The following KCNJ16 variants were observed in gnomAD, a reference collection of about 807,000 sequenced individuals.
KCNJ16 encodes the protein inward rectifier potassium channel 16.
A neutral mutation model predicts 18.5 loss-of-function variants in KCNJ16; 15 were observed. That is an observed-to-expected ratio of 0.81 (90% CI 0.54 to 1.25). The LOEUF (loss-of-function observed/expected upper bound fraction) is 1.25, where lower values mean the gene tolerates loss of function less well. Ranked by LOEUF, KCNJ16 falls within the 50% of genes most tolerant of loss-of-function variation. The pLI, the probability that KCNJ16 is intolerant of heterozygous loss-of-function variation, is 0.00. For missense variants in KCNJ16, 523 were observed against 525.7 expected (o/e 0.99, Z 0.05); for synonymous variants, 174 against 186.5 (o/e 0.93, Z 0.55).
chr17:70,116,705 C>T (rs766251370), intron 2 of KCNJ16, among the ~76,000 whole-genome samples: 5 of 152,052 alleles, frequency 3.3e-5, no homozygotes, highest in Non-Finnish European at 7.4e-5. Flanking sequence ...TGAAAAAATG[C>T]TCACTATCAC....
chr17:70,096,385 A>T (rs2143781522), intron 1 of KCNJ16, among the ~76,000 whole-genome samples: 1 of 152,334 alleles, frequency 6.6e-6, no homozygotes, highest in South Asian at 2.1e-4. Context: ...CTCTCATATA[A>T]GATTGTTTCC....
intron 1 of KCNJ16, among the ~76,000 whole-genome samples, chr17:70,082,529 A>ATTAGTGTT (rs1384039186): frequency 6.6e-6 from 1 of 152,188 alleles, no homozygotes; most frequent in Non-Finnish European, 1.5e-5. Flanking sequence ...GGAGAAGCTA[A>ATTAGTGTT]TTAGTGTTTT....
intron 2 of KCNJ16, among the ~76,000 whole-genome samples, chr17:70,121,090 C>T (rs1452472415): frequency 6.6e-6 from 1 of 152,064 alleles, no homozygotes; most frequent in Non-Finnish European, 1.5e-5. Flanking sequence ...CATGAACTTC[C>T]ACTTACCCCT....
intron 2 of KCNJ16, among the ~76,000 whole-genome samples, chr17:70,121,971 T>G (rs1045124868): frequency 6.6e-6 from 1 of 151,808 alleles, no homozygotes; most frequent in South Asian, 2.1e-4. Context: ...AAGAAAAGAA[T>G]AGAAAATAGA....
At chr17:70,083,258 G>T (rs948067518) in intron 1 of KCNJ16, among the ~76,000 whole-genome samples, 2 of 148,780 alleles carry the variant, frequency 1.3e-5, no homozygotes, top group African/African-American at 2.5e-5. Context: ...CAGGTGAGGA[G>T]AAGTCCAAAA....
chr17:70,115,315 G>C (rs571257060), intron 2 of KCNJ16, among the ~76,000 whole-genome samples: 31 of 152,046 alleles, frequency 2.0e-4, no homozygotes, highest in Non-Finnish European at 4.0e-4. Flanking sequence ...GGTGTTGGAG[G>C]TTATGAATAT....
At chr17:70,090,134 T>C (rs750670610) in intron 1 of KCNJ16, among the ~76,000 whole-genome samples, 16 of 152,224 alleles carry the variant, frequency 1.1e-4, no homozygotes, top group Non-Finnish European at 2.1e-4. Flanking sequence ...AACTGGAATC[T>C]AGGCAGAACT....
intron 2 of KCNJ16, chr17:70,128,811 G>C (rs955021885): frequency 6.6e-6 from 1 of 152,264 alleles, no homozygotes; most frequent in Non-Finnish European, 1.5e-5. Flanking sequence ...ACAAGGCGGT[G>C]TGGAGCAACA....
chr17:70,104,703 A>C (rs77043729), intron 2 of KCNJ16, among the ~76,000 whole-genome samples: 3 of 152,246 alleles, frequency 2.0e-5, no homozygotes, highest in African/African-American at 7.2e-5. Context: ...ATAAGCTTCC[A>C]GAGGTTTGAT....
At chr17:70,087,157 T>C (rs11653928) in intron 1 of KCNJ16, among the ~76,000 whole-genome samples, 138,653 of 151,730 alleles carry the variant, frequency 0.91, 63,515 homozygotes, top group East Asian at 1. Context: ...ATCCGCCTGC[T>C]TCGGCCTCCC....
intron 1 of KCNJ16, among the ~76,000 whole-genome samples, chr17:70,086,246 T>A (rs1158897752): frequency 6.6e-6 from 1 of 152,220 alleles, no homozygotes; most frequent in African/African-American, 2.4e-5. Context: ...TTTATTACAA[T>A]TAGTTAATGA....
At chr17:70,124,360 C>T (rs2073771835) in intron 2 of KCNJ16, among the ~76,000 whole-genome samples, 1 of 152,154 alleles carries the variant, frequency 6.6e-6, no homozygotes, top group South Asian at 2.1e-4. Context: ...CCAATGTAAA[C>T]TGCAATTCTG....
At chr17:70,107,662 A>C (rs2072994855) in intron 2 of KCNJ16, among the ~76,000 whole-genome samples, 2 of 151,558 alleles carry the variant, frequency 1.3e-5, no homozygotes, top group Non-Finnish European at 2.9e-5. Flanking sequence ...TCCTGTTGGC[A>C]TGACAAATAT....
intron 1 of KCNJ16, among the ~76,000 whole-genome samples, chr17:70,076,170 A>C (rs150629516): frequency 6.6e-6 from 1 of 152,180 alleles, no homozygotes; most frequent in African/African-American, 2.4e-5. Flanking sequence ...TGTGTATTAC[A>C]TGGACTGAAT....
Position 70,113,736 on chromosome 17 carries a change from T to C in KCNJ16, c.-191+12970T>C, listed in dbSNP as rs79641340. ...TTGCCGCTGTGTGTGTAGACATTCATAGATAATAAAATTCCAACCTTCCAA... is the reference window on the plus strand; with the variant it reads ...TTGCCGCTGTGTGTGTAGACATTCACAGATAATAAAATTCCAACCTTCCAA... On this transcript the variant is annotated intron_variant, in intron 2 of 3. Coordinates refer to ENST00000392671, the MANE Select transcript of KCNJ16 (RefSeq NM_170741.4). 3.3e-4 allele frequency among the ~76,000 whole-genome samples: 50 copies of C among 152,282 alleles called. No individual in the cohort carries two copies. The South Asian group carries it at 8.5e-3, about 26-fold the overall frequency.
chr17:70,124,409 T>C (rs975773381), intron 2 of KCNJ16, among the ~76,000 whole-genome samples: 4 of 152,096 alleles, frequency 2.6e-5, no homozygotes, highest in Non-Finnish European at 2.9e-5. Flanking sequence ...TGTCACATAG[T>C]AGGAACTCAT....
Position 70,132,659 on chromosome 17 carries a change from G to T in KCNJ16, c.572G>T (p.Gly191Val), listed in dbSNP as rs759393416. 6.2e-7 allele frequency: 1 copy of T among 1,614,212 alleles called. No individual in the cohort carries two copies. The highest frequency in any genetic ancestry group is 1.3e-5 in the African/African-American group (1 of 75,052). The change falls in exon 4 of 4, where the codon GGT becomes GTT. Residue 191 changes from glycine (G) to valine (V), a missense_variant. By Grantham distance (109) the Gly-to-Val change is moderately radical. Coordinates refer to ENST00000392671, the MANE Select transcript of KCNJ16 (RefSeq NM_170741.4). The part of the protein sequence containing the change: ...TIRFSYFALI[G>V]MRDGKLCLMW... ...CGTTTCAGCTACTTTGCACTTATAG[G>T]TATGAGAGATGGGAAGCTTTGCCTC... is the stretch of plus-strand genomic sequence containing the variant.
chr17:70,128,922 AG>A (rs2073958951), intron 2 of KCNJ16: 1 of 152,242 alleles, frequency 6.6e-6, no homozygotes, highest in Non-Finnish European at 1.5e-5. Flanking sequence ...TCCTGTAAAC[AG>A]GAAGTGTCTC....
At chr17:70,117,210 C>A (rs558983019) in intron 2 of KCNJ16, among the ~76,000 whole-genome samples, 13 of 152,214 alleles carry the variant, frequency 8.5e-5, no homozygotes, top group African/African-American at 3.1e-4. Flanking sequence ...AGCAGAAAAC[C>A]AAATACTGCA....
Sources: gnomAD v4.1 joint callset for allele counts (sites outside exome capture counted in the v4.1 genomes callset) on GRCh38, gnomAD v4.1.1 for gene constraint, MANE v1.5 for transcripts, NCBI Gene and HGNC (gene_info 2026-07-23, HGNC 2026-07-21) for gene names.